Variants in SHROOM2 observed in about 807,000 individuals in gnomAD.
SHROOM2 encodes shroom family member 2.
Under a neutral mutation model 75.9 loss-of-function variants are expected in SHROOM2, and 33 were observed. The ratio of observed to expected loss-of-function variants is 0.43; its 90% confidence interval spans 0.33 to 0.58. The LOEUF is 0.58. SHROOM2 is among the 20% of genes least tolerant of loss of function. SHROOM2 has a pLI of 0.04. For synonymous variants in SHROOM2, 655 were observed against 663.6 expected, an observed-to-expected ratio of 0.99 and a Z score of 0.20; for missense variants, 1,434 against 1,461.2, an observed-to-expected ratio of 0.98 and a Z score of 0.30.
intron 2 of SHROOM2, among the ~76,000 whole-genome samples, chrX:9,887,594 A>G (rs1448199549): frequency 8.9e-6 from 1 of 112,965 alleles, no homozygotes; most frequent in Non-Finnish European, 1.9e-5. Context: ...TAGTGGTGTC[A>G]AACAGAAGTT....
At chrX:9,884,134 G>T (rs908327477) in intron 2 of SHROOM2, among the ~76,000 whole-genome samples, 1 of 110,913 alleles carries the variant, frequency 9.0e-6, no homozygotes, top group African/African-American at 3.3e-5. Flanking sequence ...GCCCCCCATC[G>T]CAGTTTCCAG....
intron 1 of SHROOM2, among the ~76,000 whole-genome samples, chrX:9,801,081 AG>A (rs776994561): frequency 8.9e-6 from 1 of 111,764 alleles, no homozygotes; most frequent in Admixed American, 9.5e-5. Context: ...GTGGCTGGGG[AG>A]GCCTCACCAT....
At chrX:9,932,054 G>A in intron 5 of SHROOM2, 121 bp from the exon 6 acceptor site, 1 of 630,234 alleles carries the variant, frequency 1.6e-6, no homozygotes, top group South Asian at 5.0e-5. Flanking sequence ...GTGTGGGAAA[G>A]TGCATATGGA....
intron 2 of SHROOM2, 53 bp downstream of exon 2, chrX:9,873,856 A>G: frequency 4.3e-6 from 5 of 1,163,058 alleles, no homozygotes; most frequent in Non-Finnish European, 5.8e-6. Context: ...AATGAGTGGA[A>G]CATCAAAGTG....
chrX:9,913,145 C>T (rs987905135), intron 5 of SHROOM2: 29 of 112,101 alleles, frequency 2.6e-4, no homozygotes, highest in African/African-American at 9.1e-4. Context: ...CTGCCTGCCT[C>T]GTTTGCCTTT....
intron 1 of SHROOM2, among the ~76,000 whole-genome samples, chrX:9,861,886 A>T (rs1319371229): frequency 9.0e-6 from 1 of 111,622 alleles, no homozygotes; most frequent in East Asian, 2.8e-4. Context: ...GTCTGCCACC[A>T]GGGGATCCTG....
At chrX:9,912,198 G>GACACACACACAC (rs57939278) in intron 5 of SHROOM2, among the ~76,000 whole-genome samples, 2 of 16,140 alleles carry the variant, frequency 1.2e-4, no homozygotes, top group Non-Finnish European at 2.6e-4. Context: ...TAAATTACAA[G>GACACACACACAC]ACACACACAC....
At chrX:9,940,146 GGGGCTTTTAC>G (rs1199566933) in intron 8 of SHROOM2, among the ~76,000 whole-genome samples, 2 of 111,808 alleles carry the variant, frequency 1.8e-5, no homozygotes, top group Non-Finnish European at 3.8e-5. Flanking sequence ...TTTAGGTCTT[GGGGCTTTTAC>G]GGGCCCTCCA....
intron 8 of SHROOM2, among the ~76,000 whole-genome samples, chrX:9,944,369 C>T (rs746295234): frequency 6.3e-5 from 7 of 111,870 alleles, no homozygotes; most frequent in African/African-American, 1.9e-4. Flanking sequence ...TGACGAGCAT[C>T]GGGGCCACAA....
intron 1 of SHROOM2, among the ~76,000 whole-genome samples, chrX:9,866,087 T>A (rs1274354673): frequency 2.0e-5 from 2 of 102,557 alleles, no homozygotes; most frequent in Non-Finnish European, 4.0e-5. Flanking sequence ...GCCAGGAATT[T>A]TTTTTTTTTT....
At chrX:9,803,883 C>T (rs1297952728) in intron 1 of SHROOM2, among the ~76,000 whole-genome samples, 2 of 111,037 alleles carry the variant, frequency 1.8e-5, no homozygotes, top group East Asian at 2.8e-4. Context: ...CACGGGTTCT[C>T]GACAGGTATT....
chrX:9,816,391 T>G (rs1446553651), intron 1 of SHROOM2, among the ~76,000 whole-genome samples: 1 of 112,398 alleles, frequency 8.9e-6, no homozygotes, highest in Non-Finnish European at 1.9e-5. Flanking sequence ...TCACGGCTGT[T>G]GAAGCAAAAT....
intron 1 of SHROOM2, among the ~76,000 whole-genome samples, chrX:9,789,747 A>G (rs753298637): frequency 1.2e-4 from 13 of 111,282 alleles, no homozygotes; most frequent in African/African-American, 4.2e-4. Flanking sequence ...TAAGGGAGGG[A>G]AGGAATGAAG....
chrX:9,806,063 C>CA (rs372946202), intron 1 of SHROOM2, among the ~76,000 whole-genome samples: 16 of 111,275 alleles, frequency 1.4e-4, no homozygotes, highest in African/African-American at 5.2e-4. Context: ...AGTAGGTCCA[C>CA]AGCAGACACT....
chrX:9,896,743 G>A, intron 4 of SHROOM2, 45 bp downstream of exon 4: 1 of 1,103,601 alleles, frequency 9.1e-7, no homozygotes, highest in South Asian at 2.3e-5. Flanking sequence ...CTTAACCCAA[G>A]GACAGGACAC....
At position 9,944,937 on chromosome X, in the gene SHROOM2, G is replaced by A. The variant is rs7881688; in HGVS notation, c.4584+24G>A. On this transcript the variant is annotated intron_variant, in intron 9 of 9. Transcript: ENST00000380913. The stretch of plus-strand genomic sequence containing the variant: ...GGGTAAATGCAGATACGTCTGACTT[G>A]GAAATGGGGGGTGGTCTCGTGGGAA... 1.8e-3 allele frequency: 2,132 copies of A among 1,170,499 alleles called. 24 individuals carry two copies. In the African/African-American group the frequency reaches 0.033, roughly 18 times the overall value.
At chrX:9,793,404 C>G (rs1250961550) in intron 1 of SHROOM2, among the ~76,000 whole-genome samples, 17 of 109,669 alleles carry the variant, frequency 1.6e-4, no homozygotes, top group African/African-American at 5.6e-4. Context: ...ATCCTCCCAC[C>G]TCACCCTCCC....
intron 5 of SHROOM2, among the ~76,000 whole-genome samples, chrX:9,903,963 G>A (rs1016489468): frequency 7.2e-5 from 8 of 110,827 alleles, no homozygotes; most frequent in Admixed American, 2.9e-4. Context: ...TGGTTTGGTC[G>A]CGTGATTCTA....
chrX:9,929,589 G>C (rs2084628186), intron 5 of SHROOM2, among the ~76,000 whole-genome samples: 1 of 112,148 alleles, frequency 8.9e-6, no homozygotes, highest in Admixed American at 9.4e-5. Flanking sequence ...CTGCAGGTGA[G>C]TTCTCTTTCG....
Sources: allele counts gnomAD v4.1 joint callset (sites outside exome capture counted in the v4.1 genomes callset), GRCh38; gene constraint gnomAD v4.1.1; transcripts MANE v1.5; gene names NCBI Gene and HGNC (gene_info 2026-07-23, HGNC 2026-07-21).